The following PARP15 variants were observed in gnomAD, a reference collection of about 807,000 sequenced individuals.
PARP15 encodes the protein poly(ADP-ribose) polymerase family member 15.
In PARP15, 50 loss-of-function variants were observed where a neutral mutation model predicts 62.1. The ratio of observed to expected loss-of-function variants is 0.81; its 90% CI spans 0.64 to 1.02. PARP15 has a LOEUF of 1.02. PARP15 is among the 50% of genes least tolerant of loss of function. The probability of loss-of-function intolerance (pLI) is 0.00; values close to 1 mark genes in which losing one functional copy is unlikely to be tolerated. For synonymous variants in PARP15, 309 were observed against 293.1 expected (o/e 1.05, Z -0.55); for missense variants, 820 against 826.5 (o/e 0.99, Z 0.10).
Position 122,638,326 on chromosome 3 carries a change from T to G in PARP15, c.*2226T>G, listed in dbSNP as rs1268273183. The G allele has an allele frequency of 7.2e-5, 11 of 151,832 alleles. No homozygotes were observed. The highest frequency in any genetic ancestry group is 2.0e-4 in the Admixed American group (3 of 15,230). The allele number at this position is 151,832 out of a possible 1,614,324, so 9.4% of individuals were successfully genotyped here. ...TTGGGTATATACCCAGTAATGGGAT[T>G]GCTGGGTCAAATGGTATTTCTAGTT... On this transcript the variant is annotated 3_prime_UTR_variant, in exon 12 of 12. Coordinates refer to ENST00000464300, the MANE Select transcript of PARP15 (RefSeq NM_001113523.3).
intron 1 of PARP15, 110 bp downstream of exon 1, chr3:122,577,963 T>A: frequency 8.2e-7 from 1 of 1,226,270 alleles, no homozygotes; most frequent in Non-Finnish European, 1.1e-6. Flanking sequence ...CGCACAACCC[T>A]CTCTTCTAGG....
Position 122,638,933 on chromosome 3 carries a change from A to G in PARP15, c.*2833A>G, listed in dbSNP as rs942917363. On this transcript the variant is annotated 3_prime_UTR_variant, in exon 12 of 12. Transcript: ENST00000464300. ...TTATATCTTTCCCTATTTTATGTAT[A>G]TAGAATTATAAAGTTTTTAAAAATG... 3 of 152,174 alleles carry G rather than the reference A, an allele frequency of 2.0e-5. No homozygotes were observed. The highest frequency in any genetic ancestry group is 7.2e-5 in the African/African-American group (3 of 41,450). 9.4% of individuals were successfully genotyped at this position (152,174 alleles called of 1,614,324 possible).
chr3:122,626,285 G>A lies in PARP15; in HGVS notation c.1232-542G>A, dbSNP rs184644944. 4.9e-3 allele frequency among the ~76,000 whole-genome samples: 715 copies of A among 144,852 alleles called. 13 individuals carry two copies. The highest frequency in any genetic ancestry group is 0.017 in the African/African-American group (675 of 38,820). On this transcript the variant is annotated intron_variant, in intron 8 of 11. Transcript: ENST00000464300. ...ACGATCTTGGCTCACTGCAAGCTCC[G>A]CCTCCCAGGTTCACGCCATTCTCCT...
intron 8 of PARP15, among the ~76,000 whole-genome samples, chr3:122,622,296 T>A (rs951925091): frequency 6.6e-6 from 1 of 152,196 alleles, no homozygotes; most frequent in African/African-American, 2.4e-5. Context: ...TACCAGAAAC[T>A]TCATTACATC....
chr3:122,582,210 C>T (rs1933007060), intron 1 of PARP15, among the ~76,000 whole-genome samples: 1 of 151,262 alleles, frequency 6.6e-6, no homozygotes, highest in Non-Finnish European at 1.5e-5. Context: ...CTCCCTCTGT[C>T]ATCCAGGCTG....
chr3:122,610,875 A>G, intron 3 of PARP15, 145 bp downstream of exon 3: 3 of 607,840 alleles, frequency 4.9e-6, no homozygotes, highest in Non-Finnish European at 8.2e-6. Context: ...TCTAGTGGGT[A>G]GAAGCGAGGG....
intron 1 of PARP15, among the ~76,000 whole-genome samples, chr3:122,597,599 A>G (rs1934458039): frequency 6.6e-6 from 1 of 152,012 alleles, no homozygotes; most frequent in African/African-American, 2.4e-5. Context: ...TAAGAAATAT[A>G]TTTTATATCC....
chr3:122,633,539 CTT>C (rs1424746883), intron 10 of PARP15, among the ~76,000 whole-genome samples: 6 of 150,938 alleles, frequency 4.0e-5, no homozygotes, highest in Non-Finnish European at 8.9e-5. Flanking sequence ...TTTTTTCAGA[CTT>C]TTTCTTCTTG....
chr3:122,611,368 G>T (rs1170455066), intron 3 of PARP15, among the ~76,000 whole-genome samples: 3 of 151,966 alleles, frequency 2.0e-5, no homozygotes, highest in African/African-American at 4.8e-5. Flanking sequence ...GTTTCGCTCT[G>T]TTGCCCAGGC....
At chr3:122,583,114 C>T (rs1205960215) in intron 1 of PARP15, among the ~76,000 whole-genome samples, 29 of 83,460 alleles carry the variant, frequency 3.5e-4, no homozygotes, top group South Asian at 9.9e-4. Context: ...TCATCTGTAT[C>T]TTTTTTTTTT....
intron 11 of PARP15, 79 bp from the exon 12 acceptor site, chr3:122,635,732 A>C: frequency 6.7e-7 from 1 of 1,483,608 alleles, no homozygotes; most frequent in Non-Finnish European, 9.0e-7. Context: ...TTTAGAAAAC[A>C]ATTTTGTCAG....
At chr3:122,623,325 C>G (rs919500945) in intron 8 of PARP15, among the ~76,000 whole-genome samples, 2 of 152,158 alleles carry the variant, frequency 1.3e-5, no homozygotes, top group African/African-American at 2.4e-5. Context: ...AGCTCTGGCC[C>G]CTTCAGGAAT....
At chr3:122,605,833 A>C (rs1241119206) in intron 1 of PARP15, 103 bp from the exon 2 acceptor site, 11 of 1,181,818 alleles carry the variant, frequency 9.3e-6, no homozygotes, top group Non-Finnish European at 1.3e-5. Flanking sequence ...TCTCCCACCT[A>C]GTCTTCCAAA....
chr3:122,607,715 G>A (rs1935250478), intron 2 of PARP15, among the ~76,000 whole-genome samples: 1 of 152,004 alleles, frequency 6.6e-6, no homozygotes. Context: ...AACTCATATT[G>A]GGGTTTACCT....
intron 9 of PARP15, among the ~76,000 whole-genome samples, chr3:122,627,983 C>T (rs954718964): frequency 2.6e-5 from 4 of 152,206 alleles, no homozygotes; most frequent in South Asian, 2.1e-4. Context: ...CCCACACATT[C>T]CTGGGTTCAG....
rs529403791 is a variant in PARP15, at chr3:122,615,137, A to C, written c.772-642A>C. The C allele has an allele frequency of 1.6e-5, 18 of 1,127,300 alleles. No homozygotes were observed. The African/African-American group carries it at 2.8e-4, about 17-fold the overall frequency. 69.8% of individuals were successfully genotyped at this position (1,127,300 alleles called of 1,614,324 possible). A position where few individuals can be genotyped will look rare whatever the true frequency, so the allele number is the denominator to read the frequency against. On this transcript the variant is annotated intron_variant, in intron 4 of 11. Coordinates refer to ENST00000464300, the MANE Select transcript of PARP15 (RefSeq NM_001113523.3). Reference sequence around the variant, plus strand: ...GAAAAGAAAGAAAATGGATGAAGACAACCCAAGTGAAACTTTATAACTCTA... The same window carrying C: ...GAAAAGAAAGAAAATGGATGAAGACCACCCAAGTGAAACTTTATAACTCTA...
intron 1 of PARP15, among the ~76,000 whole-genome samples, chr3:122,601,685 G>A (rs1934807547): frequency 1.3e-5 from 2 of 152,128 alleles, no homozygotes; most frequent in South Asian, 2.1e-4. Context: ...GGACATCTTG[G>A]TTGCTTCCAA....
chr3:122,603,847 A>T (rs1269862767), intron 1 of PARP15, among the ~76,000 whole-genome samples: 2 of 152,222 alleles, frequency 1.3e-5, no homozygotes, highest in Non-Finnish European at 2.9e-5. Flanking sequence ...CTGAAAAATA[A>T]TCAAAGACAA....
At chr3:122,606,316 T>C (rs139876526) in intron 2 of PARP15, among the ~76,000 whole-genome samples, 1,638 of 152,342 alleles carry the variant, frequency 0.011, 30 homozygotes, top group African/African-American at 0.036. Context: ...TTTATTTCTC[T>C]GTAACTGATC....
Sources: gnomAD v4.1 joint callset for allele counts (sites outside exome capture counted in the v4.1 genomes callset) on GRCh38, gnomAD v4.1.1 for gene constraint, MANE v1.5 for transcripts, NCBI Gene and HGNC (gene_info 2026-07-23, HGNC 2026-07-21) for gene names.